Variants in KAT6A observed in about 807,000 individuals in gnomAD.
The protein encoded by KAT6A is histone acetyltransferase KAT6A.
A neutral mutation model predicts 198.4 loss-of-function variants in KAT6A; 9 were observed. The observed-to-expected ratio is 0.05, with a 90% CI of 0.03 to 0.08. The LOEUF (loss-of-function observed/expected upper bound fraction) is 0.08. Among genes scored for constraint, KAT6A ranks in the 10% least tolerant of loss-of-function variants. The probability of loss-of-function intolerance (pLI) is 1.00; values close to 1 mark genes in which losing one functional copy is unlikely to be tolerated. For missense variants in KAT6A, 2,077 were observed against 2,509.9 expected (o/e 0.83, Z 3.69); for synonymous variants, 890 against 883.0 (o/e 1.01, Z -0.14).
chr8:41,990,590 A>G lies in KAT6A; in HGVS notation c.601-3027T>C, dbSNP rs188474719. Among the ~76,000 whole-genome samples the G allele has an allele frequency of 2.0e-4, 31 of 152,356 alleles. No homozygotes were observed. In the East Asian group the frequency reaches 5.0e-3, roughly 25 times the overall value. On this transcript the variant is annotated intron_variant, in intron 2 of 16. Transcript: ENST00000265713. ...ACAGAAAATACATGAATAACACATG[A>G]AAGGCCAACAAACATAAGGAAAGAT...
At position 41,977,044 on chromosome 8, in the gene KAT6A, C is replaced by T; in HGVS notation, c.1327G>A (p.Gly443Ser). ...TCTGAAGTGCTTGATTTCCTGTTGCCCCTCTTTCTGATTCGATATTGCTCA... is the reference window on the plus strand; with the variant it reads ...TCTGAAGTGCTTGATTTCCTGTTGCTCCTCTTTCTGATTCGATATTGCTCA... ...YSEQYRIRKR[G>S]NRKSSTSDWP... The change falls in exon 7 of 17, where the codon GGC becomes AGC. Residue 443 changes from glycine to serine, a missense_variant. Gly to Ser is a moderately conservative substitution (Grantham distance 56). This residue lies in a region of KAT6A where 206 missense variants were observed against 214.9 expected (regional missense o/e 0.96). Coordinates refer to ENST00000265713, the MANE Select transcript of KAT6A (RefSeq NM_006766.5). The T allele has an allele frequency of 6.2e-7, 1 of 1,611,736 alleles. No individual in the cohort carries two copies.
At chr8:41,969,641 C>G (rs1823676947) in intron 8 of KAT6A, among the ~76,000 whole-genome samples, 1 of 152,086 alleles carries the variant, frequency 6.6e-6, no homozygotes, top group Non-Finnish European at 1.5e-5. Flanking sequence ...ATGTAGTAGC[C>G]AAGAAAAACC....
intron 8 of KAT6A, among the ~76,000 whole-genome samples, chr8:41,964,495 A>G (rs2150877538): frequency 6.6e-6 from 1 of 152,178 alleles, no homozygotes; most frequent in South Asian, 2.1e-4. Context: ...AAAATCTGAA[A>G]CCTGAAATGC....
At position 41,931,983 on chromosome 8, in the gene KAT6A, G is replaced by A; in HGVS notation, c.*222C>T. On this transcript the variant is annotated 3_prime_UTR_variant, in exon 17 of 17. Transcript: ENST00000265713. ...AATCCATTTTTAGATGAGTTCTACTGTAAAATGTTCAAGATTGTGAAGAAA... is the reference window on the plus strand; with the variant it reads ...AATCCATTTTTAGATGAGTTCTACTATAAAATGTTCAAGATTGTGAAGAAA... 2 of 386,094 alleles carry A rather than the reference G, an allele frequency of 5.2e-6. No homozygotes were observed. The highest frequency in any genetic ancestry group is 8.9e-6 in the Non-Finnish European group (2 of 225,054). The allele number at this position is 386,094 out of a possible 1,614,324, so 23.9% of individuals were successfully genotyped here. A position where few individuals can be genotyped will look rare whatever the true frequency, so the allele number is the denominator to read the frequency against.
Position 42,023,636 on chromosome 8 carries a change from C to T in KAT6A, c.600+24742G>A, listed in dbSNP as rs75003800. Among the ~76,000 whole-genome samples, 398 of 151,836 alleles carry T rather than the reference C, an allele frequency of 2.6e-3. 1 individual carries two copies. The highest frequency in any genetic ancestry group is 6.8e-3 in the Middle Eastern group (2 of 294). ...CCAAGTAGCTGGGACTATAGGCGCG[C>T]GCCACCATGTCCAGCTAATTTTTGT... is the stretch of plus-strand genomic sequence containing the variant. On this transcript the variant is annotated intron_variant, in intron 2 of 16. Transcript: ENST00000265713.
chr8:41,958,053 T>C (rs916702023), intron 8 of KAT6A: 1 of 152,216 alleles, frequency 6.6e-6, no homozygotes, highest in Non-Finnish European at 1.5e-5. Flanking sequence ...GGTACCCCTT[T>C]ATTATCAGTG....
At chr8:42,033,365 A>G (rs926146422) in intron 2 of KAT6A, among the ~76,000 whole-genome samples, 2 of 152,234 alleles carry the variant, frequency 1.3e-5, no homozygotes, top group African/African-American at 2.4e-5. Flanking sequence ...TCAAAGTGTG[A>G]TATCAAGTAT....
chr8:41,995,061 AAAAAAT>A (rs71239088), intron 2 of KAT6A, among the ~76,000 whole-genome samples: 38 of 150,768 alleles, frequency 2.5e-4, no homozygotes, highest in South Asian at 1.7e-3. Context: ...CATCTCAAAA[AAAAAAT>A]AAAAATAAAA....
intron 15 of KAT6A, 109 bp from the exon 16 acceptor site, chr8:41,937,677 T>C: frequency 1.3e-6 from 1 of 796,950 alleles, no homozygotes; most frequent in Non-Finnish European, 1.9e-6. Flanking sequence ...AAAATGAGGA[T>C]GTTGTTTGCC....
chr8:42,018,082 C>T (rs1237922855), intron 2 of KAT6A, among the ~76,000 whole-genome samples: 1 of 152,122 alleles, frequency 6.6e-6, no homozygotes, highest in African/African-American at 2.4e-5. Context: ...ATATTTTTTG[C>T]TTGTCAGTAT....
At chr8:41,990,691 T>C (rs569662000) in intron 2 of KAT6A, among the ~76,000 whole-genome samples, 1 of 151,908 alleles carries the variant, frequency 6.6e-6, no homozygotes, top group South Asian at 2.1e-4. Context: ...ATATTAAGGG[T>C]TGATTAAAAA....
At chr8:41,938,400 T>C (rs1821950083) in intron 15 of KAT6A, among the ~76,000 whole-genome samples, 1 of 152,244 alleles carries the variant, frequency 6.6e-6, no homozygotes, top group South Asian at 2.1e-4. Flanking sequence ...ATGACAAAGA[T>C]CTATTCTTCA....
chr8:41,948,145 C>T (rs1822488220), intron 10 of KAT6A, among the ~76,000 whole-genome samples: 1 of 152,108 alleles, frequency 6.6e-6, no homozygotes, highest in Admixed American at 6.5e-5. Flanking sequence ...GCAGGAACAG[C>T]CAGATAAGGA....
rs143207987 is a variant in KAT6A at position 42,048,391 on chromosome 8, T to C, written c.587A>G (p.His196Arg). 4 of 1,613,684 alleles carry C rather than the reference T, an allele frequency of 2.5e-6. No homozygotes were observed. Among genetic ancestry groups the C allele is most frequent in the South Asian group, 1.1e-5 (1 of 91,086 alleles). Reference protein sequence around the residue: ...SCLPPVSLLPHEKDKPVAEPI... With the variant: ...SCLPPVSLLPREKDKPVAEPI... Reference sequence around the variant, plus strand: ...TGCCATTCTTACCTTATCCTTTTCATGTGGAAGAAGGGACACTGGAGGTAA... The same window carrying C: ...TGCCATTCTTACCTTATCCTTTTCACGTGGAAGAAGGGACACTGGAGGTAA... Residue 196 changes from histidine (H) to arginine (R), a missense_variant, in exon 2 of 17, where the codon CAT becomes CGT. His to Arg is a conservative substitution (Grantham distance 29). Coordinates refer to ENST00000265713, the MANE Select transcript of KAT6A (RefSeq NM_006766.5).
intron 2 of KAT6A, among the ~76,000 whole-genome samples, chr8:42,007,374 A>T (rs574623810): frequency 6.6e-6 from 1 of 152,320 alleles, no homozygotes; most frequent in African/African-American, 2.4e-5. Context: ...ATTTGACATG[A>T]CTAGCTCTAA....
chr8:42,010,365 T>C (rs967618715), intron 2 of KAT6A, among the ~76,000 whole-genome samples: 14 of 152,294 alleles, frequency 9.2e-5, no homozygotes, highest in South Asian at 6.2e-4. Context: ...TGAGTAAACA[T>C]TGTATCAGAG....
chr8:42,032,351 C>A (rs1827173610), intron 2 of KAT6A, among the ~76,000 whole-genome samples: 1 of 151,970 alleles, frequency 6.6e-6, no homozygotes, highest in Non-Finnish European at 1.5e-5. Context: ...ATTGTTATAT[C>A]AAAAAATATA....
chr8:41,934,891 AAGAC>A (rs772837413), intron 16 of KAT6A, 24 bp from the exon 17 acceptor site: 2 of 1,549,694 alleles, frequency 1.3e-6, no homozygotes, highest in Admixed American at 2.0e-5. Context: ...AAAAAAAACA[AAGAC>A]AGGTTACAAG....
intron 2 of KAT6A, among the ~76,000 whole-genome samples, chr8:42,044,942 G>A (rs965389237): frequency 1.3e-5 from 2 of 152,242 alleles, no homozygotes; most frequent in Admixed American, 1.3e-4. Flanking sequence ...ATTCTGCATA[G>A]CAACTGACTG....
Sources: allele counts gnomAD v4.1 joint callset (sites outside exome capture counted in the v4.1 genomes callset), GRCh38; gene constraint gnomAD v4.1.1; regional missense constraint gnomAD v4.1.1; transcripts MANE v1.5; gene names NCBI Gene and HGNC (gene_info 2026-07-23, HGNC 2026-07-21).